AKAP12: variants seen among roughly 807,000 people sequenced by gnomAD.
AKAP12 encodes the protein A-kinase anchor protein 12.
A neutral mutation model predicts 79.9 loss-of-function variants in AKAP12; 32 were observed. The ratio of observed to expected loss-of-function variants is 0.40; its 90% CI spans 0.30 to 0.54. The LOEUF is 0.54. Among genes scored for constraint, AKAP12 ranks in the 20% least tolerant of loss-of-function variants. AKAP12 has a pLI of 0.48. For missense variants in AKAP12, 2,074 were observed against 2,177.0 expected (o/e 0.95, Z 0.94); for synonymous variants, 808 against 857.0 (o/e 0.94, Z 1.00).
chr6:151,257,250 C>T (rs1797320310), intron 2 of AKAP12, among the ~76,000 whole-genome samples: 2 of 152,056 alleles, frequency 1.3e-5, no homozygotes, highest in African/African-American at 4.8e-5. Flanking sequence ...CTGTTGCCAT[C>T]TTTCTGTCCA....
intron 2 of AKAP12, among the ~76,000 whole-genome samples, chr6:151,288,786 C>G (rs1278563188): frequency 1.3e-5 from 2 of 152,182 alleles, no homozygotes; most frequent in Non-Finnish European, 2.9e-5. Flanking sequence ...TAAATCAGGA[C>G]CACATTTTTC....
At chr6:151,293,299 T>G (rs1360256937) in intron 2 of AKAP12, among the ~76,000 whole-genome samples, 2 of 152,216 alleles carry the variant, frequency 1.3e-5, no homozygotes, top group Non-Finnish European at 2.9e-5. Flanking sequence ...GACTTGCACG[T>G]ATGCTGTAGA....
Position 151,350,961 on chromosome 6 carries a change from G to C in AKAP12, c.2570G>C (p.Arg857Thr). ...CTGTCTGAGTATGATGCTGTAGAAA[G>C]GGAGAAAATGGAGGCACAGCAAGCC... ...VPLSEYDAVE[R>T]EKMEAQQAQK... The change falls in exon 4 of 5, where the codon AGG becomes ACG. Residue 857 changes from arginine (R) to threonine (T), a missense_variant. Physicochemically the swap from Arg to Thr is moderately conservative, Grantham distance 71. Transcript: ENST00000402676. This position sits in a 1 kb window ranked among gnomAD's most constrained non-coding sequence, Gnocchi z 4.8. 6.2e-7 allele frequency: 1 copy of C among 1,614,052 alleles called. No individual in the cohort carries two copies. Among genetic ancestry groups the C allele is most frequent in the Non-Finnish European group, 8.5e-7 (1 of 1,180,010 alleles).
At position 151,349,293 on chromosome 6, in the gene AKAP12, C is replaced by T; in HGVS notation, c.902C>T (p.Thr301Ile). ...GGATCAACCTTCAAAAAATTCTTCA[C>T]TCAAGGTTGGGCCGGCTGGCGCAAA... is the stretch of plus-strand genomic sequence containing the variant. ...ETGSTFKKFF[T>I]QGWAGWRKKT... Residue 301 changes from threonine to isoleucine, a missense_variant, in exon 4 of 5, where the codon ACT (threonine) becomes ATT (isoleucine). Thr to Ile is a moderately conservative substitution (Grantham distance 89). Coordinates refer to ENST00000402676, the MANE Select transcript of AKAP12 (RefSeq NM_005100.4). 2.5e-6 allele frequency: 4 copies of T among 1,613,722 alleles called. No homozygotes were observed. The highest frequency in any genetic ancestry group is 3.4e-6 in the Non-Finnish European group (4 of 1,179,934).
intron 3 of AKAP12, among the ~76,000 whole-genome samples, chr6:151,326,814 G>GTT (rs201569800): frequency 4.8e-5 from 5 of 103,450 alleles, no homozygotes; most frequent in East Asian, 3.3e-4. Flanking sequence ...TTTTTTGTTT[G>GTT]TTTGTTTTTT....
At chr6:151,322,730 G>A (rs1445011584) in intron 3 of AKAP12, among the ~76,000 whole-genome samples, 1 of 148,326 alleles carries the variant, frequency 6.7e-6, no homozygotes, top group Non-Finnish European at 1.5e-5. Flanking sequence ...CCGCCACTGG[G>A]CGTGTCCACC....
chr6:151,287,530 G>A (rs1485125124), intron 2 of AKAP12, among the ~76,000 whole-genome samples: 2 of 152,126 alleles, frequency 1.3e-5, no homozygotes, highest in African/African-American at 4.8e-5. Context: ...GAAAGTGCTA[G>A]GATTACAGGC....
chr6:151,322,445 G>C (rs1439168220), intron 3 of AKAP12, among the ~76,000 whole-genome samples: 1 of 152,100 alleles, frequency 6.6e-6, no homozygotes, highest in African/African-American at 2.4e-5. Flanking sequence ...TTCATCTCCA[G>C]TGTTGTCTTC....
intron 2 of AKAP12, among the ~76,000 whole-genome samples, chr6:151,297,402 G>A (rs1449768300): frequency 5.9e-5 from 9 of 151,592 alleles, no homozygotes; most frequent in Non-Finnish European, 1.2e-4. Flanking sequence ...TGATGAAACC[G>A]TCTCTACTAA....
At chr6:151,326,930 C>T (rs1777544831) in intron 3 of AKAP12, among the ~76,000 whole-genome samples, 1 of 152,060 alleles carries the variant, frequency 6.6e-6, no homozygotes, top group African/African-American at 2.4e-5. Context: ...GATTCTCCTG[C>T]CTCAGCCTCC....
chr6:151,320,339 C>T (rs141884242), intron 3 of AKAP12, among the ~76,000 whole-genome samples: 82 of 151,872 alleles, frequency 5.4e-4, no homozygotes, highest in African/African-American at 1.9e-3. Context: ...AGGCTGGTCT[C>T]GCACTCCTGG....
At chr6:151,250,751 G>T (rs575040822) in intron 2 of AKAP12, among the ~76,000 whole-genome samples, 11 of 151,366 alleles carry the variant, frequency 7.3e-5, no homozygotes, top group South Asian at 4.2e-4. Context: ...GACTACAGGC[G>T]CCCGCCACCA....
intron 2 of AKAP12, among the ~76,000 whole-genome samples, chr6:151,295,598 A>G (rs888726391): frequency 2.6e-5 from 4 of 152,224 alleles, no homozygotes; most frequent in Non-Finnish European, 5.9e-5. Context: ...TAAAATTAAT[A>G]TTGGCATTCT....
chr6:151,284,493 C>T (rs1455989379), intron 2 of AKAP12, among the ~76,000 whole-genome samples: 2 of 152,038 alleles, frequency 1.3e-5, no homozygotes, highest in Admixed American at 6.6e-5. Context: ...CTGGGTGTGG[C>T]AGTGTGCGCC....
At chr6:151,327,080 G>T (rs1777547835) in intron 3 of AKAP12, among the ~76,000 whole-genome samples, 1 of 150,662 alleles carries the variant, frequency 6.6e-6, no homozygotes, top group Non-Finnish European at 1.5e-5. Flanking sequence ...CTCCCAAAGT[G>T]CTAGGATTAT....
intron 2 of AKAP12, among the ~76,000 whole-genome samples, chr6:151,251,734 C>T (rs1430168891): frequency 6.6e-6 from 1 of 152,166 alleles, no homozygotes; most frequent in Non-Finnish European, 1.5e-5. Flanking sequence ...CAGTGGCGCA[C>T]GCCTGTAATC....
rs955559894 is a variant in AKAP12 at position 151,350,995 on chromosome 6, C to T, written c.2604C>T (p.Ser868=). The T allele has an allele frequency of 9.3e-6, 15 of 1,613,904 alleles. No individual in the cohort carries two copies. The highest frequency in any genetic ancestry group is 1.6e-4 in the Middle Eastern group (1 of 6,084). ...EKMEAQQAQK[S]AEQPEQKAAT... is the part of the protein sequence containing the mutation. ...TGGAGGCACAGCAAGCCCAAAAAAG[C>T]GCAGAGCAGCCCGAGCAGAAGGCAG... The change falls in exon 4 of 5, where the codon AGC becomes AGT. Residue 868 remains serine, a synonymous_variant. Coordinates refer to ENST00000402676, the MANE Select transcript of AKAP12 (RefSeq NM_005100.4). The surrounding 1 kb of genome is among the most constrained non-coding windows in gnomAD (Gnocchi z 4.8).
At chr6:151,282,399 C>T (rs9383563) in intron 2 of AKAP12, among the ~76,000 whole-genome samples, 33,548 of 152,034 alleles carry the variant, frequency 0.22, 4,717 homozygotes, top group East Asian at 0.58. Context: ...TGTGAGCCAC[C>T]GTGCCCAGCC....
At position 151,349,742 on chromosome 6, in the gene AKAP12, G is replaced by A; in HGVS notation, c.1351G>A (p.Asp451Asn). ...SVPAEELVEM[D>N]AEPQEAEPAK... ...GCCAGCTGAAGAATTGGTTGAAATG[G>A]ATGCAGAACCTCAGGAAGCTGAACC... Residue 451 changes from aspartate to asparagine, a missense_variant, in exon 4 of 5, where the codon GAT (aspartate) becomes AAT (asparagine). By Grantham distance (23) the Asp-to-Asn change is conservative. Coordinates refer to ENST00000402676, the MANE Select transcript of AKAP12 (RefSeq NM_005100.4). The A allele has an allele frequency of 6.2e-7, 1 of 1,614,136 alleles. No individual in the cohort carries two copies. Among genetic ancestry groups the A allele is most frequent in the Non-Finnish European group, 8.5e-7 (1 of 1,180,030 alleles).
Sources: allele counts gnomAD v4.1 joint callset (sites outside exome capture counted in the v4.1 genomes callset), GRCh38; gene constraint gnomAD v4.1.1; non-coding constraint Gnocchi (gnomAD v3.1); transcripts MANE v1.5; gene names NCBI Gene and HGNC (gene_info 2026-07-23, HGNC 2026-07-21).